The following TBC1D9 variants were observed in gnomAD, a reference collection of about 807,000 sequenced individuals.
TBC1D9 encodes TBC1 domain family member 9.
TBC1D9 carries 63 observed loss-of-function variants against 132.0 expected under a neutral mutation model. That is an observed-to-expected ratio of 0.48 (90% CI 0.39 to 0.59). The LOEUF (loss-of-function observed/expected upper bound fraction) is 0.59, where lower values mean the gene tolerates loss of function less well. Among genes scored for constraint, TBC1D9 ranks in the 20% least tolerant of loss-of-function variants. The pLI is 0.00. For synonymous variants in TBC1D9, 610 were observed against 609.9 expected (o/e 1.00, Z 0.00); for missense variants, 1,261 against 1,592.7 (o/e 0.79, Z 3.54).
intron 1 of TBC1D9, among the ~76,000 whole-genome samples, chr4:140,742,727 C>T (rs577445475): frequency 5.9e-5 from 9 of 151,992 alleles, no homozygotes; most frequent in Non-Finnish European, 1.0e-4. Context: ...CCCCACAAAC[C>T]CCCAAAGAGA....
In TBC1D9 at chr4:140,669,111, G is replaced by T. The variant is rs760446018; in HGVS notation, c.1438-44C>A. The T allele has an allele frequency of 5.0e-6, 8 of 1,600,340 alleles. No individual in the cohort carries two copies. The South Asian group carries it at 8.9e-5, about 18-fold the overall frequency. Reference sequence around the variant, plus strand: ...CATTATGACATCCAAAGTACCCTGAGGATGGTAAGAGAAGAGTGATGGAAG... The same window carrying T: ...CATTATGACATCCAAAGTACCCTGATGATGGTAAGAGAAGAGTGATGGAAG... On this transcript the variant is annotated intron_variant, in intron 8 of 20. Transcript: ENST00000442267.
intron 2 of TBC1D9, among the ~76,000 whole-genome samples, chr4:140,689,784 G>C: frequency 8.6e-6 from 1 of 116,096 alleles, no homozygotes; most frequent in East Asian, 2.5e-4. Flanking sequence ...GTCACGCTCT[G>C]TTGCCCACAC....
At chr4:140,634,340 T>C (rs1736844216) in intron 15 of TBC1D9, among the ~76,000 whole-genome samples, 152 bp from the exon 16 acceptor site, 1 of 152,140 alleles carries the variant, frequency 6.6e-6, no homozygotes, top group Admixed American at 6.5e-5. Context: ...GGTCTCTTAG[T>C]TCTACATACA....
In TBC1D9 at chr4:140,723,780, A is replaced by C. The variant is rs958792286; in HGVS notation, c.131-22166T>G. On this transcript the variant is annotated intron_variant, in intron 1 of 20. Transcript: ENST00000442267. The stretch of plus-strand genomic sequence containing the variant: ...TTATTTATCTATGTTATTTTTAGAA[A>C]CAAGGTCTTGCTCTGTTGCCCAGAC... Among the ~76,000 whole-genome samples, 5 of 152,302 alleles carry C rather than the reference A, an allele frequency of 3.3e-5. 1 individual carries two copies. The highest frequency in any genetic ancestry group is 3.3e-4 in the Admixed American group (5 of 15,304).
At chr4:140,623,341 T>C (rs1458718950) in intron 20 of TBC1D9, among the ~76,000 whole-genome samples, 1 of 152,202 alleles carries the variant, frequency 6.6e-6, no homozygotes, top group African/African-American at 2.4e-5. Context: ...GTGCTGGAAT[T>C]ACAGGTGTGA....
At chr4:140,753,071 C>T (rs976175774) in intron 1 of TBC1D9, among the ~76,000 whole-genome samples, 3 of 152,138 alleles carry the variant, frequency 2.0e-5, no homozygotes, top group Non-Finnish European at 4.4e-5. Flanking sequence ...TAAGCTCAAG[C>T]GTCACTTCCT....
Position 140,657,153 on chromosome 4 carries a change from C to A in TBC1D9, c.2281G>T (p.Asp761Tyr). ...TCTACCTCAGGGTAAGGTTCCACAT[C>A]ATCGCTGAGCAAGGAGTGGAGGTGA... is the stretch of plus-strand genomic sequence containing the variant. ...IPHLHSLLSD[D>Y]VEPYPEVDIF... is the part of the protein sequence containing the mutation. The change falls in exon 13 of 21, where the codon GAT (aspartate) becomes TAT (tyrosine). Residue 761 changes from aspartate to tyrosine, a missense_variant. By Grantham distance (160) the Asp-to-Tyr change is radical (BLOSUM62 -3). Around this residue, in one of 3 missense-constraint regions of TBC1D9, gnomAD observed 618 missense variants for 724.4 expected, o/e 0.85. Transcript: ENST00000442267. The A allele has an allele frequency of 6.2e-7, 1 of 1,613,962 alleles. No individual in the cohort carries two copies. Among genetic ancestry groups the A allele is most frequent in the South Asian group, 1.1e-5 (1 of 91,084 alleles).
At chr4:140,665,873 G>A (rs997448863) in intron 9 of TBC1D9, among the ~76,000 whole-genome samples, 2 of 151,926 alleles carry the variant, frequency 1.3e-5, no homozygotes, top group African/African-American at 4.8e-5. Context: ...TTGTAGAGAT[G>A]GGGTCTCACT....
chr4:140,678,960 T>A lies in TBC1D9; in HGVS notation c.833A>T (p.Lys278Ile), dbSNP rs748711290. ...LPKLKRKSPK[K>I]VSALKRDLDA... ...CACCCACCGTTTTAGAGCAGACACTTTTTTAGGAGATTTCCTTTTGAGTTT... is the reference window on the plus strand; with the variant it reads ...CACCCACCGTTTTAGAGCAGACACTATTTTAGGAGATTTCCTTTTGAGTTT... The change falls in exon 5 of 21, where the codon AAA (lysine) becomes ATA (isoleucine). Residue 278 changes from lysine (K) to isoleucine (I), a missense_variant. Transcript: ENST00000442267. The A allele has an allele frequency of 6.2e-7, 1 of 1,613,866 alleles. No homozygotes were observed. Among genetic ancestry groups the A allele is most frequent in the Non-Finnish European group, 8.5e-7 (1 of 1,179,816 alleles).
intron 13 of TBC1D9, chr4:140,643,650 T>A (rs909915325): frequency 1.8e-6 from 2 of 1,081,476 alleles, no homozygotes; most frequent in African/African-American, 3.2e-5. Flanking sequence ...CTCCACTGGC[T>A]CCTCCTTGGC....
At chr4:140,639,197 G>C in intron 14 of TBC1D9, 43 bp from the exon 15 acceptor site, 2 of 1,513,440 alleles carry the variant, frequency 1.3e-6, no homozygotes, top group Non-Finnish European at 9.0e-7. Flanking sequence ...AACTCAAAAA[G>C]TGCCATGCTG....
Position 140,669,120 on chromosome 4 carries a change from G to C in TBC1D9, c.1438-53C>G, listed in dbSNP as rs181874800. ...ATCCAAAGTACCCTGAGGATGGTAA[G>C]AGAAGAGTGATGGAAGGTCAGAACA... is the stretch of plus-strand genomic sequence containing the variant. On this transcript the variant is annotated intron_variant, in intron 8 of 20. Coordinates refer to ENST00000442267, the MANE Select transcript of TBC1D9 (RefSeq NM_015130.3). The C allele has an allele frequency of 2.6e-6, 4 of 1,568,216 alleles. No individual in the cohort carries two copies. In the Admixed American group the frequency reaches 6.8e-5, roughly 26 times the overall value.
intron 1 of TBC1D9, among the ~76,000 whole-genome samples, chr4:140,747,942 T>A (rs140264222): frequency 9.2e-5 from 14 of 152,140 alleles, no homozygotes; most frequent in African/African-American, 1.2e-4. Context: ...GCAGAAAAAA[T>A]TTTTCTCATA....
intron 1 of TBC1D9, among the ~76,000 whole-genome samples, chr4:140,710,943 T>C (rs903348734): frequency 6.6e-6 from 1 of 152,186 alleles, no homozygotes; most frequent in Non-Finnish European, 1.5e-5. Context: ...TAGGTTCCTG[T>C]GTACAAGCAT....
chr4:140,681,117 C>A (rs2111019863), intron 3 of TBC1D9, among the ~76,000 whole-genome samples: 1 of 152,298 alleles, frequency 6.6e-6, no homozygotes, highest in East Asian at 1.9e-4. Flanking sequence ...CTACATCCTA[C>A]CCAAATGTCC....
At chr4:140,642,516 T>G in intron 13 of TBC1D9, 1 of 1,159,614 alleles carries the variant, frequency 8.6e-7, no homozygotes, top group Non-Finnish European at 1.3e-6. Context: ...ACTTGAAGGG[T>G]GACTTCAACT....
intron 13 of TBC1D9, among the ~76,000 whole-genome samples, chr4:140,650,114 T>C (rs1367363): frequency 1.3e-5 from 2 of 152,256 alleles, no homozygotes; most frequent in African/African-American, 2.4e-5. Context: ...CTATTAGCTG[T>C]TGTGTGAACA....
At chr4:140,664,533 A>G (rs903353160) in intron 9 of TBC1D9, among the ~76,000 whole-genome samples, 2 of 152,224 alleles carry the variant, frequency 1.3e-5, no homozygotes, top group Non-Finnish European at 2.9e-5. Flanking sequence ...AAAGGACAAG[A>G]AAATTGGAGG....
intron 6 of TBC1D9, among the ~76,000 whole-genome samples, chr4:140,671,431 A>T (rs1282946747): frequency 6.6e-6 from 1 of 152,160 alleles, no homozygotes; most frequent in Non-Finnish European, 1.5e-5. Context: ...GCTATAAGAG[A>T]GAGGGCTCCT....
Sources: gnomAD v4.1 joint callset for allele counts (sites outside exome capture counted in the v4.1 genomes callset) on GRCh38, gnomAD v4.1.1 for gene constraint, gnomAD v4.1.1 regional missense constraint, MANE v1.5 for transcripts, NCBI Gene and HGNC (gene_info 2026-07-23, HGNC 2026-07-21) for gene names.